HYCC1: variants seen among roughly 807,000 people sequenced by gnomAD.
HYCC1 encodes hyccin.
the HYCC1 span, among the ~76,000 whole-genome samples, chr7:22,917,417 C>A: frequency 2.0e-5 from 3 of 152,208 alleles, no homozygotes; most frequent in Non-Finnish European, 2.9e-5. Flanking sequence ...ATCTGCTATT[C>A]TACGACTCCT....
At chr7:22,933,711 A>G in the HYCC1 span, among the ~76,000 whole-genome samples, 4 of 152,296 alleles carry the variant, frequency 2.6e-5, no homozygotes, top group East Asian at 7.7e-4. Context: ...GGAATTTTGA[A>G]TTTTTAAAAT....
chr7:22,972,894 G>A, the HYCC1 span, among the ~76,000 whole-genome samples: 1 of 152,166 alleles, frequency 6.6e-6, no homozygotes. Context: ...AGGGTGGGAA[G>A]TGTTCAAGAT....
the HYCC1 span, among the ~76,000 whole-genome samples, chr7:22,910,955 T>A: frequency 6.6e-6 from 1 of 152,148 alleles, no homozygotes; most frequent in Non-Finnish European, 1.5e-5. Context: ...TATATTAAGC[T>A]GTATTATACA....
At chr7:22,973,701 T>C in the HYCC1 span, among the ~76,000 whole-genome samples, 1 of 152,206 alleles carries the variant, frequency 6.6e-6, no homozygotes, top group Non-Finnish European at 1.5e-5. Flanking sequence ...AGTTTTAAAA[T>C]AATCTGTTTC....
At chr7:22,899,546 C>T in the HYCC1 span, among the ~76,000 whole-genome samples, 3 of 152,162 alleles carry the variant, frequency 2.0e-5, no homozygotes, top group African/African-American at 7.2e-5. Flanking sequence ...ATAATTCAAT[C>T]ATCAGTAATG....
chr7:22,961,893 G>A, the HYCC1 span, among the ~76,000 whole-genome samples: 10 of 151,908 alleles, frequency 6.6e-5, no homozygotes, highest in Non-Finnish European at 1.3e-4. Flanking sequence ...GTGTGTGTAT[G>A]CATAATTTTC....
chr7:22,984,955 T>C, the HYCC1 span, among the ~76,000 whole-genome samples: 4 of 152,140 alleles, frequency 2.6e-5, no homozygotes, highest in African/African-American at 9.7e-5. Context: ...AAAACTCCAG[T>C]AGTAAGTCAG....
the HYCC1 span, chr7:22,960,368 A>G: frequency 4.3e-6 from 7 of 1,613,536 alleles, no homozygotes; most frequent in South Asian, 6.6e-5. Context: ...CTTCCTTATT[A>G]GATTTCATGG....
At chr7:22,982,194 C>T in the HYCC1 span, among the ~76,000 whole-genome samples, 4 of 152,286 alleles carry the variant, frequency 2.6e-5, no homozygotes, top group East Asian at 7.7e-4. Context: ...CTTAAAACAG[C>T]TTTCACTCAA....
chr7:22,978,816 T>G, the HYCC1 span, among the ~76,000 whole-genome samples: 6 of 152,196 alleles, frequency 3.9e-5, no homozygotes, highest in African/African-American at 1.4e-4. Flanking sequence ...TAATTGGCCC[T>G]GGATAATCTA....
chr7:22,941,303 G>A, the HYCC1 span: 30 of 126,966 alleles, frequency 2.4e-4, no homozygotes, highest in Admixed American at 6.9e-4. Flanking sequence ...GGCAACACTT[G>A]TTGTATAAAG....
the HYCC1 span, among the ~76,000 whole-genome samples, chr7:22,898,177 C>T: frequency 6.6e-6 from 1 of 151,974 alleles, no homozygotes; most frequent in African/African-American, 2.4e-5. Context: ...TCCCAAGTAG[C>T]TGGCACACAC....
At chr7:22,908,926 C>CT in the HYCC1 span, among the ~76,000 whole-genome samples, 1 of 152,152 alleles carries the variant, frequency 6.6e-6, no homozygotes, top group African/African-American at 2.4e-5. Context: ...ATTGATGTGA[C>CT]TGAGCCCCAA....
At chr7:22,916,476 G>A in the HYCC1 span, among the ~76,000 whole-genome samples, 10 of 152,092 alleles carry the variant, frequency 6.6e-5, no homozygotes, top group South Asian at 4.2e-4. Flanking sequence ...TTCATTACAC[G>A]CAGGCAAAGT....
the HYCC1 span, among the ~76,000 whole-genome samples, chr7:23,009,966 G>A: frequency 1.3e-5 from 2 of 152,108 alleles, no homozygotes; most frequent in Non-Finnish European, 2.9e-5. Context: ...ATAAGCAATA[G>A]TCAAACTGCT....
chr7:22,968,247 G>A, the HYCC1 span, among the ~76,000 whole-genome samples: 4 of 152,048 alleles, frequency 2.6e-5, no homozygotes, highest in East Asian at 1.9e-4. Flanking sequence ...TGAAACTTCC[G>A]GGTCATACCC....
At chr7:22,904,153 C>T in the HYCC1 span, among the ~76,000 whole-genome samples, 8 of 151,920 alleles carry the variant, frequency 5.3e-5, no homozygotes, top group African/African-American at 1.9e-4. Context: ...TTTTTAGGGC[C>T]GGGCATGGTG....
At chr7:22,960,338 A>T in the HYCC1 span, 1 of 1,613,426 alleles carries the variant, frequency 6.2e-7, no homozygotes, top group East Asian at 2.2e-5. Flanking sequence ...GTGTGATTTC[A>T]ACTTGAATAC....
At chr7:22,984,816 G>A in the HYCC1 span, among the ~76,000 whole-genome samples, 1 of 152,128 alleles carries the variant, frequency 6.6e-6, no homozygotes, top group Non-Finnish European at 1.5e-5. Context: ...CAGAGCTAGA[G>A]AAAAAGATAT....
Sources: allele counts gnomAD v4.1 joint callset (sites outside exome capture counted in the v4.1 genomes callset), GRCh38; gene constraint gnomAD v4.1.1; transcripts MANE v1.5; gene names NCBI Gene and HGNC (gene_info 2026-07-23, HGNC 2026-07-21).